GLIS3: variants seen among roughly 807,000 people sequenced by gnomAD.
GLIS3 encodes the protein GLIS family zinc finger 3.
Under a neutral mutation model 78.6 loss-of-function variants are expected in GLIS3, and 53 were observed. The ratio of observed to expected loss-of-function variants is 0.67; its 90% CI spans 0.54 to 0.85. GLIS3 has a LOEUF of 0.85. Ranked by LOEUF, GLIS3 falls within the 40% of genes least tolerant of loss-of-function variation. The pLI is 0.00. For missense variants in GLIS3, 1,703 were observed against 1,231.1 expected, an observed-to-expected ratio of 1.38 and a Z score of -5.74; for synonymous variants, 684 against 509.9, an observed-to-expected ratio of 1.34 and a Z score of -4.60.
At chr9:3,902,974 A>T (rs1240358054) in intron 6 of GLIS3, among the ~76,000 whole-genome samples, 2 of 152,216 alleles carry the variant, frequency 1.3e-5, no homozygotes, top group East Asian at 3.8e-4. Context: ...AAATGCTAGG[A>T]ATGTCTGCAA....
At chr9:4,221,120 C>T (rs1053492326) in intron 2 of GLIS3, among the ~76,000 whole-genome samples, 1 of 152,040 alleles carries the variant, frequency 6.6e-6, no homozygotes, top group South Asian at 2.1e-4. Context: ...GGTTGTAAGA[C>T]AAAATGCCTA....
chr9:3,955,954 G>A (rs963813895), intron 4 of GLIS3, among the ~76,000 whole-genome samples: 1 of 143,096 alleles, frequency 7.0e-6, no homozygotes, highest in East Asian at 2.1e-4. Flanking sequence ...ATACGTACAA[G>A]TGATTGGCTA....
upstream of GLIS3, among the ~76,000 whole-genome samples, chr9:4,301,019 T>G (rs1459755262): frequency 6.6e-6 from 1 of 152,074 alleles, no homozygotes. Context: ...AGTAGATGCT[T>G]TGATCAAGAC....
chr9:4,033,014 T>C (rs7019883), intron 4 of GLIS3, among the ~76,000 whole-genome samples: 16,028 of 151,890 alleles, frequency 0.11, 916 homozygotes, highest in African/African-American at 0.12. Flanking sequence ...CCACCACGCC[T>C]GGCTAATTTT....
At position 4,139,741 on chromosome 9, in the gene GLIS3, T is replaced by G. The variant is rs565701214; in HGVS notation, c.389-13800A>C. On this transcript the variant is annotated intron_variant, in intron 2 of 10. Transcript: ENST00000381971. Reference sequence around the variant, plus strand: ...ATCATCAGGCATTATAATTAGATTCTCGTAAGGAGCACGCAACCTAGATCC... The same window carrying G: ...ATCATCAGGCATTATAATTAGATTCGCGTAAGGAGCACGCAACCTAGATCC... 7.2e-5 allele frequency among the ~76,000 whole-genome samples: 11 copies of G among 152,244 alleles called. No homozygotes were observed. The East Asian group carries it at 2.1e-3, about 29-fold the overall frequency.
At chr9:4,253,650 A>T (rs1263533418) in intron 2 of GLIS3, among the ~76,000 whole-genome samples, 1 of 152,144 alleles carries the variant, frequency 6.6e-6, no homozygotes, top group African/African-American at 2.4e-5. Flanking sequence ...TGTGCCACTG[A>T]GGTATGAAAA....
rs1831798054 is a variant in GLIS3, at chr9:4,117,879, G to C, written c.1599C>G (p.Asp533Glu). The C allele has an allele frequency of 1.2e-6, 2 of 1,614,044 alleles. No homozygotes were observed. The highest frequency in any genetic ancestry group is 1.3e-5 in the African/African-American group (1 of 74,916). Residue 533 changes from aspartate to glutamate, a missense_variant, in exon 4 of 11, where the codon GAC (aspartate) becomes GAG (glutamate). Physicochemically the swap from Asp to Glu is conservative, Grantham distance 45. Transcript: ENST00000381971. ...GGCAACCGGCCCAGAAGCAAGTGAA[G>C]TCCTCCCCTTTGCGCTGGTCGATGT... Reference protein sequence around the residue: ...KVHIDQRKGEDFTCFWAGCPR... With the variant: ...KVHIDQRKGEEFTCFWAGCPR...
chr9:4,360,925 G>C, the GLIS3 span, among the ~76,000 whole-genome samples: 1 of 152,144 alleles, frequency 6.6e-6, no homozygotes, highest in Non-Finnish European at 1.5e-5. Context: ...ATATCTGATG[G>C]CATTATTTCC....
chr9:4,392,009 A>G, the GLIS3 span, among the ~76,000 whole-genome samples: 1 of 152,210 alleles, frequency 6.6e-6, no homozygotes, highest in South Asian at 2.1e-4. Context: ...GCAAATGCCC[A>G]TCAGTGACAG....
intron 4 of GLIS3, among the ~76,000 whole-genome samples, chr9:4,012,859 A>G (rs1342053994): frequency 1.4e-5 from 2 of 143,454 alleles, no homozygotes; most frequent in Non-Finnish European, 3.0e-5. Flanking sequence ...TGCAACCTCA[A>G]CCTTCTGGGT....
At chr9:4,028,564 C>T (rs1360830976) in intron 4 of GLIS3, among the ~76,000 whole-genome samples, 4 of 152,138 alleles carry the variant, frequency 2.6e-5, no homozygotes, top group Non-Finnish European at 4.4e-5. Flanking sequence ...TGAATTTTCA[C>T]AAAGTGACAT....
At chr9:4,327,554 G>C (rs1817619156) in intron 2 of GLIS3, among the ~76,000 whole-genome samples, 1 of 152,120 alleles carries the variant, frequency 6.6e-6, no homozygotes, top group Admixed American at 6.5e-5. Context: ...GAAATGAATT[G>C]GGTAGGAAGC....
chr9:4,150,625 A>C (rs912039809), intron 2 of GLIS3, among the ~76,000 whole-genome samples: 8 of 152,228 alleles, frequency 5.3e-5, no homozygotes, highest in African/African-American at 1.9e-4. Flanking sequence ...TTTAAACCAG[A>C]ATAGATGATG....
At chr9:4,474,658 A>T in the GLIS3 span, among the ~76,000 whole-genome samples, 3 of 150,122 alleles carry the variant, frequency 2.0e-5, no homozygotes, top group East Asian at 2.0e-4. Context: ...TATTTTTTTT[A>T]TTTTTTCTTT....
intron 2 of GLIS3, among the ~76,000 whole-genome samples, chr9:4,251,312 T>C (rs1824354208): frequency 6.6e-6 from 1 of 152,236 alleles, no homozygotes; most frequent in Non-Finnish European, 1.5e-5. Flanking sequence ...CATGTATATT[T>C]AGGATAGTTT....
chr9:3,894,640 C>G (rs1269355507), intron 7 of GLIS3, among the ~76,000 whole-genome samples: 1 of 152,082 alleles, frequency 6.6e-6, no homozygotes, highest in Non-Finnish European at 1.5e-5. Flanking sequence ...AAGAGAATAA[C>G]ACGTGACTTC....
chr9:4,147,024 A>C (rs1243243822), intron 2 of GLIS3, among the ~76,000 whole-genome samples: 2 of 152,188 alleles, frequency 1.3e-5, no homozygotes, highest in Non-Finnish European at 2.9e-5. Flanking sequence ...GTATGCCTCT[A>C]ATTTTCTAGC....
chr9:4,418,410 T>C, the GLIS3 span, among the ~76,000 whole-genome samples: 1 of 152,232 alleles, frequency 6.6e-6, no homozygotes, highest in Non-Finnish European at 1.5e-5. Context: ...TTGCTCTATC[T>C]GTAAAACCTC....
At chr9:3,993,507 A>G (rs1450409157) in intron 4 of GLIS3, among the ~76,000 whole-genome samples, 1 of 152,204 alleles carries the variant, frequency 6.6e-6, no homozygotes, top group African/African-American at 2.4e-5. Context: ...CATTTCATGT[A>G]TATGTAAAAA....
Sources: gnomAD v4.1 joint callset for allele counts (sites outside exome capture counted in the v4.1 genomes callset) on GRCh38, gnomAD v4.1.1 for gene constraint, MANE v1.5 for transcripts, NCBI Gene and HGNC (gene_info 2026-07-23, HGNC 2026-07-21) for gene names.